Variants in FSHR observed in about 807,000 individuals in gnomAD.
FSHR encodes the protein follicle stimulating hormone receptor.
A neutral mutation model predicts 52.1 loss-of-function variants in FSHR; 46 were observed. The ratio of observed to expected loss-of-function variants is 0.88; its 90% CI spans 0.70 to 1.13. The LOEUF (loss-of-function observed/expected upper bound fraction) is 1.13, where lower values mean the gene tolerates loss of function less well. FSHR is among the 50% of genes most tolerant of loss of function. FSHR has a pLI of 0.00. For missense variants in FSHR, 964 were observed against 834.6 expected, an observed-to-expected ratio of 1.16 and a Z score of -1.91; for synonymous variants, 399 against 309.6, an observed-to-expected ratio of 1.29 and a Z score of -3.03.
At chr2:48,996,680 A>G (rs752594463) in intron 4 of FSHR, among the ~76,000 whole-genome samples, 20 of 152,112 alleles carry the variant, frequency 1.3e-4, no homozygotes, top group Admixed American at 4.6e-4. Flanking sequence ...TTTCAGCATG[A>G]CAGCTGAAAC....
At chr2:48,978,325 G>A (rs1196177387) in intron 8 of FSHR, among the ~76,000 whole-genome samples, 2 of 152,166 alleles carry the variant, frequency 1.3e-5, no homozygotes, top group Non-Finnish European at 2.9e-5. Flanking sequence ...CACATTTCTG[G>A]TGTATACTAC....
chr2:49,081,499 T>C (rs1670167953), intron 1 of FSHR, among the ~76,000 whole-genome samples: 1 of 152,204 alleles, frequency 6.6e-6, no homozygotes, highest in Non-Finnish European at 1.5e-5. Context: ...CACCAGGGCA[T>C]ATCCCAAGCA....
In FSHR at chr2:48,985,697, G is replaced by GTTTTTT. The variant is rs70946839; in HGVS notation, c.525-2537_525-2532dup. ...TTCAGTTTCAGGGGAGCAAGTACAG[G>GTTTTTT]TTTTTTTTTTTTTTTTTTTTTTTTT... On this transcript the variant is annotated intron_variant, in intron 6 of 9. Coordinates refer to ENST00000406846, the MANE Select transcript of FSHR (RefSeq NM_000145.4). 6.2e-4 allele frequency among the ~76,000 whole-genome samples: 62 copies of GTTTTTT among 99,572 alleles called. 14 individuals carry two copies. The highest frequency in any genetic ancestry group is 2.1e-3 in the African/African-American group (50 of 23,906). The allele number at this position is 99,572 out of a possible 152,430, so 65.3% of individuals were successfully genotyped here. A position where few individuals can be genotyped will look rare whatever the true frequency, so the allele number is the denominator to read the frequency against.
intron 8 of FSHR, among the ~76,000 whole-genome samples, chr2:48,969,380 G>A (rs1483924573): frequency 6.6e-6 from 1 of 152,244 alleles, no homozygotes; most frequent in Non-Finnish European, 1.5e-5. Flanking sequence ...GGCGGTAGGG[G>A]CAGTGTTAGC....
At chr2:48,992,017 A>T (rs924329614) in intron 4 of FSHR, among the ~76,000 whole-genome samples, 2 of 150,756 alleles carry the variant, frequency 1.3e-5, no homozygotes, top group African/African-American at 2.4e-5. Flanking sequence ...TGGTTCTCAA[A>T]TTTTTTTTTC....
intron 4 of FSHR, among the ~76,000 whole-genome samples, chr2:48,999,168 G>T (rs1319769686): frequency 1.3e-5 from 2 of 152,068 alleles, no homozygotes; most frequent in Admixed American, 1.3e-4. Context: ...GTTCTGGAAA[G>T]TAGATACAGG....
intron 4 of FSHR, among the ~76,000 whole-genome samples, chr2:49,016,166 A>G (rs772467162): frequency 1.2e-4 from 18 of 152,206 alleles, no homozygotes; most frequent in Admixed American, 4.6e-4. Flanking sequence ...GAATCGTAAT[A>G]TCATTAATAG....
At chr2:48,985,778 A>G (rs1294718924) in intron 6 of FSHR, among the ~76,000 whole-genome samples, 2 of 122,226 alleles carry the variant, frequency 1.6e-5, no homozygotes, top group African/African-American at 3.1e-5. Flanking sequence ...CAGTGGCGCA[A>G]TCTCGGCTCA....
At chr2:49,023,514 A>G (rs1667814422) in intron 2 of FSHR, among the ~76,000 whole-genome samples, 2 of 152,276 alleles carry the variant, frequency 1.3e-5, no homozygotes, top group South Asian at 2.1e-4. Flanking sequence ...TAGCTTGTCT[A>G]TGACTTAGGA....
At chr2:48,969,592 A>T (rs760577036) in intron 8 of FSHR, among the ~76,000 whole-genome samples, 1 of 152,258 alleles carries the variant, frequency 6.6e-6, no homozygotes, top group East Asian at 1.9e-4. Flanking sequence ...TGTTAAAATT[A>T]GATGAGTTAA....
chr2:49,040,970 G>C (rs984369809), intron 2 of FSHR, among the ~76,000 whole-genome samples: 1 of 152,188 alleles, frequency 6.6e-6, no homozygotes, highest in Non-Finnish European at 1.5e-5. Flanking sequence ...ATAGGAATGG[G>C]ATAGATGGTT....
intron 2 of FSHR, among the ~76,000 whole-genome samples, chr2:49,049,107 G>A (rs1668764906): frequency 6.6e-6 from 1 of 151,744 alleles, no homozygotes; most frequent in Admixed American, 6.6e-5. Context: ...AGAGCCACAA[G>A]GATATTTTTA....
chr2:49,128,256 A>G (rs1455153198), intron 1 of FSHR, among the ~76,000 whole-genome samples: 1 of 152,106 alleles, frequency 6.6e-6, no homozygotes, highest in Non-Finnish European at 1.5e-5. Flanking sequence ...TGCATACTGA[A>G]CAGACACTTG....
At chr2:49,151,759 T>C (rs986372591) in intron 1 of FSHR, among the ~76,000 whole-genome samples, 1 of 152,112 alleles carries the variant, frequency 6.6e-6, no homozygotes, top group African/African-American at 2.4e-5. Flanking sequence ...GAATTAGAGA[T>C]ACTTAGTTGA....
chr2:49,108,800 T>A (rs1671325871), intron 1 of FSHR, among the ~76,000 whole-genome samples: 1 of 152,046 alleles, frequency 6.6e-6, no homozygotes, highest in East Asian at 1.9e-4. Context: ...GAGGATATGT[T>A]TGAGGGATAG....
At chr2:48,980,996 A>C (rs1048945797) in intron 8 of FSHR, among the ~76,000 whole-genome samples, 9 of 152,234 alleles carry the variant, frequency 5.9e-5, no homozygotes, top group African/African-American at 2.2e-4. Context: ...GGAACATTCA[A>C]AACTTTCAGG....
At chr2:49,015,241 A>G (rs1271282846) in intron 4 of FSHR, among the ~76,000 whole-genome samples, 2 of 152,040 alleles carry the variant, frequency 1.3e-5, no homozygotes, top group African/African-American at 4.8e-5. Flanking sequence ...TTTCTTTTCC[A>G]TTCTGTTCAT....
intron 2 of FSHR, among the ~76,000 whole-genome samples, chr2:49,052,906 C>A (rs1374174169): frequency 6.6e-6 from 1 of 152,180 alleles, no homozygotes; most frequent in Non-Finnish European, 1.5e-5. Context: ...GATTTACTTC[C>A]TTTCCTTTTA....
chr2:49,021,874 TATATATATATATAGAGAGAGAGAGAGAG>T (rs1667724826), intron 2 of FSHR, among the ~76,000 whole-genome samples: 1 of 56,784 alleles, frequency 1.8e-5, no homozygotes, highest in Non-Finnish European at 3.3e-5. Context: ...TATATATATA[TATATATATATATAGAGAGAGAGAGAGAG>T]AGAGAGAGAG....
Sources: gnomAD v4.1 joint callset for allele counts (sites outside exome capture counted in the v4.1 genomes callset) on GRCh38, gnomAD v4.1.1 for gene constraint, MANE v1.5 for transcripts, NCBI Gene and HGNC (gene_info 2026-07-23, HGNC 2026-07-21) for gene names.